The following FBXO11 variants were observed in gnomAD, a reference collection of about 807,000 sequenced individuals.
FBXO11 encodes the protein F-box protein 11.
Under a neutral mutation model 117.0 loss-of-function variants are expected in FBXO11, and 13 were observed. The observed-to-expected ratio is 0.11, with a 90% CI of 0.07 to 0.18. The LOEUF (loss-of-function observed/expected upper bound fraction) is 0.18. Ranked by LOEUF, FBXO11 falls within the 10% of genes least tolerant of loss-of-function variation. The pLI, the probability that FBXO11 is intolerant of heterozygous loss-of-function variation, is 1.00. For synonymous variants in FBXO11, 490 were observed against 380.5 expected (o/e 1.29, Z -3.35); for missense variants, 767 against 1,164.4 (o/e 0.66, Z 4.97).
intron 1 of FBXO11, among the ~76,000 whole-genome samples, chr2:47,899,571 A>C (rs1351266439): frequency 6.6e-6 from 1 of 152,208 alleles, no homozygotes; most frequent in Admixed American, 6.5e-5. Context: ...TAAATAACTA[A>C]TCAGATGTGT....
intron 1 of FBXO11, among the ~76,000 whole-genome samples, chr2:47,841,675 T>C (rs746365058): frequency 2.0e-5 from 3 of 152,174 alleles, no homozygotes; most frequent in Non-Finnish European, 4.4e-5. Context: ...GGAGTCTCGC[T>C]GTGTCGCCAG....
rs1300969068 is a variant in FBXO11 at position 47,903,438 on chromosome 2, T to A, written c.232+2051A>T. Among the ~76,000 whole-genome samples, 4 of 152,156 alleles carry A rather than the reference T, an allele frequency of 2.6e-5. No individual in the cohort carries two copies. In the South Asian group the frequency reaches 8.3e-4, roughly 32 times the overall value. On this transcript the variant is annotated intron_variant, in intron 1 of 22. Transcript: ENST00000403359. ...CATGAATATTGACAGTTTATAGACA[T>A]CAATGAGAAGAAAATTGACACTGGC...
chr2:47,898,506 T>C (rs1034324453), intron 1 of FBXO11, among the ~76,000 whole-genome samples: 1 of 152,216 alleles, frequency 6.6e-6, no homozygotes, highest in Non-Finnish European at 1.5e-5. Flanking sequence ...AATCAGTTAA[T>C]ACCCTTTATT....
At chr2:47,848,016 CG>C (rs1389219139) in intron 1 of FBXO11, among the ~76,000 whole-genome samples, 1 of 151,504 alleles carries the variant, frequency 6.6e-6, no homozygotes, top group Non-Finnish European at 1.5e-5. Flanking sequence ...CCCAGCTACT[CG>C]GGAGGCTGAG....
chr2:47,873,056 AG>A (rs1270467553), intron 1 of FBXO11, among the ~76,000 whole-genome samples: 1 of 152,194 alleles, frequency 6.6e-6, no homozygotes, highest in Non-Finnish European at 1.5e-5. Context: ...GTAATAAAGT[AG>A]GAACACACAA....
intron 1 of FBXO11, among the ~76,000 whole-genome samples, chr2:47,859,972 T>C (rs975707012): frequency 6.6e-6 from 1 of 152,192 alleles, no homozygotes; most frequent in African/African-American, 2.4e-5. Flanking sequence ...CCTTTCTTGC[T>C]GTCATGTTGC....
At chr2:47,889,115 TAC>T (rs949554880) in intron 1 of FBXO11, among the ~76,000 whole-genome samples, 1 of 152,210 alleles carries the variant, frequency 6.6e-6, no homozygotes, top group African/African-American at 2.4e-5. Flanking sequence ...TTTTATAAGT[TAC>T]AGTTTCCATA....
At chr2:47,815,132 C>T (rs1020609175) in intron 16 of FBXO11, among the ~76,000 whole-genome samples, 11 of 152,198 alleles carry the variant, frequency 7.2e-5, no homozygotes, top group African/African-American at 2.7e-4. Flanking sequence ...GCAACTTCTT[C>T]CAAACTCCTG....
intron 1 of FBXO11, among the ~76,000 whole-genome samples, chr2:47,862,682 C>A (rs1402157185): frequency 6.6e-6 from 1 of 152,108 alleles, no homozygotes; most frequent in Admixed American, 6.6e-5. Flanking sequence ...CAGTGATCAC[C>A]ACAGTACAAG....
At chr2:47,839,526 A>G in intron 2 of FBXO11, 26 bp from the exon 3 acceptor site, 1 of 1,610,698 alleles carries the variant, frequency 6.2e-7, no homozygotes, top group Non-Finnish European at 8.5e-7. Flanking sequence ...AGAAACTAGT[A>G]AAGCAAATAT....
intron 1 of FBXO11, among the ~76,000 whole-genome samples, chr2:47,847,198 T>C (rs150174619): frequency 3.5e-4 from 53 of 152,226 alleles, no homozygotes; most frequent in Admixed American, 1.2e-3. Context: ...TGAGCCGACA[T>C]TGTGCAACTG....
chr2:47,823,867 G>C (rs1458545081), intron 11 of FBXO11, among the ~76,000 whole-genome samples: 3 of 150,508 alleles, frequency 2.0e-5, no homozygotes, highest in Non-Finnish European at 4.4e-5. Flanking sequence ...TTTTTTAACA[G>C]ACAAGGTCTC....
intron 1 of FBXO11, among the ~76,000 whole-genome samples, chr2:47,861,635 T>C (rs1674785510): frequency 6.6e-6 from 1 of 152,152 alleles, no homozygotes; most frequent in Non-Finnish European, 1.5e-5. Flanking sequence ...TTATGGTGAC[T>C]CCATACCCTA....
intron 5 of FBXO11, 76 bp downstream of exon 5, chr2:47,835,796 C>A: frequency 4.9e-6 from 6 of 1,234,530 alleles, no homozygotes; most frequent in African/African-American, 3.1e-5. Flanking sequence ...CCACGCCCAG[C>A]CTAAACTTAT....
intron 1 of FBXO11, among the ~76,000 whole-genome samples, chr2:47,865,018 T>C (rs1558454983): frequency 6.6e-6 from 1 of 152,226 alleles, no homozygotes; most frequent in African/African-American, 2.4e-5. Flanking sequence ...AGTAAAATTT[T>C]CTTAAACTAA....
intron 13 of FBXO11, among the ~76,000 whole-genome samples, chr2:47,821,418 G>A (rs1228833370): frequency 2.6e-5 from 4 of 152,106 alleles, no homozygotes; most frequent in Non-Finnish European, 5.9e-5. Context: ...AGACCATCCT[G>A]GCTAACATGG....
chr2:47,807,993 C>G lies in FBXO11; in HGVS notation c.*125G>C. ...GCTTGAGCTTCATAGTGTCAACTGA[C>G]CTTGTGTATCCATTTTTAATACAGT... On this transcript the variant is annotated 3_prime_UTR_variant, in exon 23 of 23. Transcript: ENST00000403359. 1 of 846,556 alleles carries G rather than the reference C, an allele frequency of 1.2e-6. No homozygotes were observed. Among genetic ancestry groups the G allele is most frequent in the Non-Finnish European group, 1.8e-6 (1 of 542,886 alleles). The allele number at this position is 846,556 out of a possible 1,614,324, so 52.4% of individuals were successfully genotyped here. A position where few individuals can be genotyped will look rare whatever the true frequency, so the allele number is the denominator to read the frequency against.
At position 47,839,892 on chromosome 2, in the gene FBXO11, C is replaced by T. The variant is rs1297773700; in HGVS notation, c.233-123G>A. ...CAGATGTAAGTTTTATATGAAATTC[C>T]AACCAACTGGATAGCTATATGAAAG... On this transcript the variant is annotated intron_variant, in intron 1 of 22. Transcript: ENST00000403359. The T allele has an allele frequency of 4.0e-6, 3 of 753,916 alleles. No homozygotes were observed. In the East Asian group the frequency reaches 8.4e-5, roughly 21 times the overall value. 46.7% of individuals were successfully genotyped at this position (753,916 alleles called of 1,614,324 possible).
chr2:47,820,889 C>G (rs1671331104), intron 13 of FBXO11, among the ~76,000 whole-genome samples: 1 of 152,294 alleles, frequency 6.6e-6, no homozygotes, highest in East Asian at 1.9e-4. Context: ...AAGTATTAAC[C>G]AGGTTAGAGT....
Sources: gnomAD v4.1 joint callset for allele counts (sites outside exome capture counted in the v4.1 genomes callset) on GRCh38, gnomAD v4.1.1 for gene constraint, MANE v1.5 for transcripts, NCBI Gene and HGNC (gene_info 2026-07-23, HGNC 2026-07-21) for gene names.